The following EMCN variants were observed in gnomAD, a reference collection of about 807,000 sequenced individuals.
EMCN encodes the protein endomucin.
Under a neutral mutation model 38.4 loss-of-function variants are expected in EMCN, and 37 were observed. The ratio of observed to expected loss-of-function variants is 0.96; its 90% confidence interval spans 0.74 to 1.27. EMCN has a LOEUF of 1.27. Ranked by LOEUF, EMCN falls within the 50% of genes most tolerant of loss-of-function variation. The pLI is 0.00. For missense variants in EMCN, 318 were observed against 302.8 expected (o/e 1.05, Z -0.37); for synonymous variants, 95 against 100.8 (o/e 0.94, Z 0.35).
chr4:100,502,041 C>T (rs1340029292), intron 1 of EMCN, among the ~76,000 whole-genome samples: 1 of 152,112 alleles, frequency 6.6e-6, no homozygotes, highest in Non-Finnish European at 1.5e-5. Context: ...AAAGCTCCCC[C>T]ACGTAAAGGA....
At chr4:100,401,321 A>G (rs1361338255) in intron 11 of EMCN, among the ~76,000 whole-genome samples, 1 of 152,204 alleles carries the variant, frequency 6.6e-6, no homozygotes, top group East Asian at 1.9e-4. Flanking sequence ...ATATAGTATA[A>G]CAACTATTTA....
intron 3 of EMCN, among the ~76,000 whole-genome samples, chr4:100,471,886 A>G (rs1321966190): frequency 6.6e-6 from 1 of 152,002 alleles, no homozygotes; most frequent in Non-Finnish European, 1.5e-5. Flanking sequence ...ATACCCTTGC[A>G]TAATAAACAC....
intron 1 of EMCN, 79 bp from the exon 2 acceptor site, chr4:100,480,118 C>T: frequency 1.6e-6 from 2 of 1,275,404 alleles, no homozygotes; most frequent in Non-Finnish European, 2.2e-6. Flanking sequence ...AACAAGTGTA[C>T]TGGTCAGTAG....
intron 10 of EMCN, among the ~76,000 whole-genome samples, chr4:100,413,517 A>G (rs1460668756): frequency 6.6e-6 from 1 of 152,204 alleles, no homozygotes; most frequent in Non-Finnish European, 1.5e-5. Context: ...TTTGAAATGC[A>G]GTGGGAAGAA....
At chr4:100,410,934 G>A (rs1726535887) in intron 10 of EMCN, among the ~76,000 whole-genome samples, 1 of 152,170 alleles carries the variant, frequency 6.6e-6, no homozygotes, top group Non-Finnish European at 1.5e-5. Flanking sequence ...GAGGCCCCAA[G>A]TATTTTTCAC....
At chr4:100,472,232 C>G (rs1728498084) in intron 3 of EMCN, among the ~76,000 whole-genome samples, 1 of 151,776 alleles carries the variant, frequency 6.6e-6, no homozygotes, top group African/African-American at 2.4e-5. Flanking sequence ...TACACACACA[C>G]AAATTACAGT....
chr4:100,459,168 GCTCTCTCTCTCTCTCTCT>G (rs70958363), intron 4 of EMCN, among the ~76,000 whole-genome samples: 23,526 of 132,072 alleles, frequency 0.18, 2,829 homozygotes, highest in Non-Finnish European at 0.26. Context: ...GCCCTCAGAT[GCTCTCTCTCTCTCTCTCT>G]CTCTCTCTCT....
chr4:100,418,753 G>A (rs1007928457), intron 8 of EMCN, among the ~76,000 whole-genome samples: 2 of 151,544 alleles, frequency 1.3e-5, no homozygotes, highest in African/African-American at 4.9e-5. Context: ...GGACATCACT[G>A]TGTATAAGCA....
At chr4:100,481,405 T>G (rs143185357) in intron 1 of EMCN, among the ~76,000 whole-genome samples, 8 of 152,222 alleles carry the variant, frequency 5.3e-5, no homozygotes, top group African/African-American at 1.7e-4. Flanking sequence ...CACTGACTCT[T>G]TATAGATAGC....
At chr4:100,472,232 C>T (rs1728498084) in intron 3 of EMCN, among the ~76,000 whole-genome samples, 1 of 151,776 alleles carries the variant, frequency 6.6e-6, no homozygotes, top group Admixed American at 6.6e-5. Flanking sequence ...TACACACACA[C>T]AAATTACAGT....
At position 100,503,155 on chromosome 4, in the gene EMCN, A is replaced by G. The variant is rs2110302800; in HGVS notation, c.64+14696T>C. Among the ~76,000 whole-genome samples, 2 of 152,226 alleles carry G rather than the reference A, an allele frequency of 1.3e-5. 1 individual carries two copies. The highest frequency in any genetic ancestry group is 6.8e-3 in the Middle Eastern group (2 of 294). ...TTTATTAAATAAAATAAAATTTTGT[A>G]TAACTTCCATGTGACACCTACTGGG... On this transcript the variant is annotated intron_variant, in intron 1 of 11. Transcript: ENST00000296420.
Position 100,447,546 on chromosome 4 carries a change from T to A in EMCN, c.402A>T (p.Thr134=). The A allele has an allele frequency of 6.2e-7, 1 of 1,603,390 alleles. No individual in the cohort carries two copies. The highest frequency in any genetic ancestry group is 1.1e-5 in the South Asian group (1 of 90,706). The part of the protein sequence containing the change: ...PKTETQSSIK[T]TEIPGSVLQP... Reference sequence around the variant, plus strand: ...AAAAGAGCTTACCTGGTATTTCTGTTGTTTTAATTGAACTCTGAGTTTCAG... The same window carrying A: ...AAAAGAGCTTACCTGGTATTTCTGTAGTTTTAATTGAACTCTGAGTTTCAG... Residue 134 remains threonine (T), a synonymous_variant, in exon 5 of 12, where the codon ACA becomes ACT. Transcript: ENST00000296420.
chr4:100,415,974 A>G lies in EMCN; in HGVS notation c.690-15T>C. ...CAGACTGAGGTCTATTTGAAAAAAA[A>G]AACATGAAATTAACACCACAGTAAT... On this transcript the variant is annotated splice_polypyrimidine_tract_variant and intron_variant, in intron 9 of 11. Transcript: ENST00000296420. The G allele has an allele frequency of 1.3e-6, 2 of 1,562,150 alleles. No homozygotes were observed. The highest frequency in any genetic ancestry group is 1.7e-6 in the Non-Finnish European group (2 of 1,150,404).
intron 1 of EMCN, among the ~76,000 whole-genome samples, chr4:100,486,593 A>G (rs895197800): frequency 2.0e-5 from 3 of 152,240 alleles, no homozygotes; most frequent in African/African-American, 4.8e-5. Flanking sequence ...AAATATTTAG[A>G]TAAGTGGGAG....
chr4:100,451,294 A>C (rs1486336140), intron 4 of EMCN, among the ~76,000 whole-genome samples: 5 of 151,886 alleles, frequency 3.3e-5, no homozygotes, highest in Non-Finnish European at 7.4e-5. Context: ...CTCTAGCAAC[A>C]CTCATGAAGT....
chr4:100,492,174 A>T (rs1729099402), intron 1 of EMCN, among the ~76,000 whole-genome samples: 1 of 152,200 alleles, frequency 6.6e-6, no homozygotes, highest in Non-Finnish European at 1.5e-5. Flanking sequence ...TAAATGAAAC[A>T]ATACAATACA....
At chr4:100,427,231 G>T (rs1479392219) in intron 5 of EMCN, among the ~76,000 whole-genome samples, 2 of 151,674 alleles carry the variant, frequency 1.3e-5, no homozygotes, top group Non-Finnish European at 2.9e-5. Context: ...TCGTCTCCTT[G>T]GTTGGTTCCT....
rs73833322 is a variant in EMCN, at chr4:100,419,853, C to T, written c.664+1429G>A. ...CTAAAATGAACTCTGCTGTTTTGGT[C>T]TCCTAGCTTCTCTTGGTACTGTCGT... On this transcript the variant is annotated intron_variant, in intron 8 of 11. Transcript: ENST00000296420. Among the ~76,000 whole-genome samples the T allele has an allele frequency of 6.3e-3, 964 of 152,144 alleles. 11 individuals are homozygous for T. The highest frequency in any genetic ancestry group is 0.021 in the African/African-American group (888 of 41,544).
chr4:100,467,667 G>A (rs1267372213), intron 3 of EMCN, among the ~76,000 whole-genome samples: 1 of 133,500 alleles, frequency 7.5e-6, no homozygotes, highest in African/African-American at 2.7e-5. Context: ...GGGCGAAAGA[G>A]TGAGACTCCG....
Sources: gnomAD v4.1 joint callset for allele counts (sites outside exome capture counted in the v4.1 genomes callset) on GRCh38, gnomAD v4.1.1 for gene constraint, MANE v1.5 for transcripts, NCBI Gene and HGNC (gene_info 2026-07-23, HGNC 2026-07-21) for gene names.